HEATR5A: variants seen among roughly 807,000 people sequenced by gnomAD.
The protein encoded by HEATR5A is HEAT repeat-containing protein 5A.
A neutral mutation model predicts 218.8 loss-of-function variants in HEATR5A; 178 were observed. The ratio of observed to expected loss-of-function variants is 0.81; its 90% CI spans 0.72 to 0.92. The LOEUF (loss-of-function observed/expected upper bound fraction) is 0.92, where lower values mean the gene tolerates loss of function less well. Ranked by LOEUF, HEATR5A falls within the 40% of genes least tolerant of loss-of-function variation. HEATR5A has a pLI of 0.00. For missense variants in HEATR5A, 2,420 were observed against 2,418.9 expected, an observed-to-expected ratio of 1.00 and a Z score of -0.01; for synonymous variants, 864 against 871.6, an observed-to-expected ratio of 0.99 and a Z score of 0.15.
At chr14:31,396,498 T>A (rs977212134) in intron 4 of HEATR5A, among the ~76,000 whole-genome samples, 1 of 152,170 alleles carries the variant, frequency 6.6e-6, no homozygotes, top group Admixed American at 6.5e-5. Flanking sequence ...TTTTACTAAA[T>A]GCCTCAAATC....
In HEATR5A at chr14:31,344,003, C is replaced by T. The variant is rs1268083034; in HGVS notation, c.3121G>A (p.Asp1041Asn). The stretch of plus-strand genomic sequence containing the variant: ...GCTTGAACAAGGCAGTCTGGGTTAT[C>T]TTGCATTACTGCACAACCCAGTAGA... The part of the protein sequence containing the change: ...SCLLGCAVMQ[D>N]NPDCLVQAQA... Residue 1041 changes from aspartate (D) to asparagine (N), a missense_variant, in exon 21 of 36, where the codon GAT becomes AAT. By Grantham distance (23) the Asp-to-Asn change is conservative (BLOSUM62 1). Transcript: ENST00000543095. 2 of 1,610,514 alleles carry T rather than the reference C, an allele frequency of 1.2e-6. No individual in the cohort carries two copies. Among genetic ancestry groups the T allele is most frequent in the Non-Finnish European group, 1.7e-6 (2 of 1,178,270 alleles).
In HEATR5A at chr14:31,371,564, G is replaced by C. The variant is rs1902038075; in HGVS notation, c.1961+246C>G. The C allele has an allele frequency of 2.4e-5, 7 of 291,494 alleles. No homozygotes were observed. The South Asian group carries it at 8.4e-4, about 35-fold the overall frequency. The allele number at this position is 291,494 out of a possible 1,614,324, so 18.1% of individuals were successfully genotyped here. ...TAAAATGCATAGCTGAAAAGGTTAA[G>C]AGGCTTAATAGTTAATTTCTTGTTA... is the stretch of plus-strand genomic sequence containing the variant. On this transcript the variant is annotated intron_variant, in intron 13 of 35. Transcript: ENST00000543095.
chr14:31,394,159 A>G lies in HEATR5A; in HGVS notation c.665T>C (p.Leu222Pro). ...WSTDLDSVAT[L>P]CFKSFEGSNY... ...GGAACCTTCAAAGGACTTAAAACAC[A>G]GTGTGGCCACACTGTCCAGGTCCGT... is the stretch of plus-strand genomic sequence containing the variant. Residue 222 changes from leucine to proline, a missense_variant, in exon 6 of 36, where the codon CTG (leucine) becomes CCG (proline). Coordinates refer to ENST00000543095, the MANE Select transcript of HEATR5A (RefSeq NM_015473.4). 1 of 1,534,656 alleles carries G rather than the reference A, an allele frequency of 6.5e-7. No individual in the cohort carries two copies. Among genetic ancestry groups the G allele is most frequent in the Non-Finnish European group, 8.7e-7 (1 of 1,145,736 alleles).
At chr14:31,398,930 TTTAA>T (rs1436023921) in intron 3 of HEATR5A, 149 bp from the exon 4 acceptor site, 1 of 599,808 alleles carries the variant, frequency 1.7e-6, no homozygotes, top group African/African-American at 1.9e-5. Flanking sequence ...CACAAACATA[TTTAA>T]TTGTGATGAA....
At chr14:31,327,748 T>G (rs1230301098) in intron 22 of HEATR5A, among the ~76,000 whole-genome samples, 1 of 152,238 alleles carries the variant, frequency 6.6e-6, no homozygotes, top group East Asian at 1.9e-4. Flanking sequence ...TATTGTGGAC[T>G]ACTGAATAAA....
At chr14:31,309,426 T>C (rs1239928862) in intron 28 of HEATR5A, among the ~76,000 whole-genome samples, 1 of 152,216 alleles carries the variant, frequency 6.6e-6, no homozygotes, top group Non-Finnish European at 1.5e-5. Flanking sequence ...GACTAATATA[T>C]TGTTAACAAA....
chr14:31,420,129 T>C (rs984945428), intron 1 of HEATR5A: 4 of 152,382 alleles, frequency 2.6e-5, no homozygotes, highest in African/African-American at 4.8e-5. Flanking sequence ...CGGCTCCCGC[T>C]GGCGGGCAGA....
intron 28 of HEATR5A, 126 bp downstream of exon 28, chr14:31,312,842 G>A: frequency 5.2e-6 from 4 of 764,552 alleles, no homozygotes; most frequent in Middle Eastern, 3.4e-4. Context: ...AGGTTGCAGT[G>A]AGCCAAAATT....
chr14:31,382,578 T>C (rs2030038007), intron 10 of HEATR5A, among the ~76,000 whole-genome samples: 1 of 152,098 alleles, frequency 6.6e-6, no homozygotes, highest in African/African-American at 2.4e-5. Context: ...CTTGCCTATG[T>C]TGTATTATCT....
Position 31,342,645 on chromosome 14 carries a change from C to A in HEATR5A, c.3228+1251G>T, listed in dbSNP as rs894986441. On this transcript the variant is annotated intron_variant, in intron 21 of 35. Coordinates refer to ENST00000543095, the MANE Select transcript of HEATR5A (RefSeq NM_015473.4). ...GGAGGTGGCAGAGTTGAGATAAGAT[C>A]TATCCATAAAATCTACAAAGGTAGT... Among the ~76,000 whole-genome samples the A allele has an allele frequency of 2.8e-4, 43 of 152,268 alleles. 1 individual carries two copies. The highest frequency in any genetic ancestry group is 1.0e-3 in the African/African-American group (42 of 41,538).
At chr14:31,296,361 A>T in intron 33 of HEATR5A, 2 of 272,912 alleles carry the variant, frequency 7.3e-6, no homozygotes, top group Non-Finnish European at 1.4e-5. Context: ...CTCCATCTTC[A>T]GTATTCTCAT....
chr14:31,301,878 C>T (rs548726615), intron 33 of HEATR5A, among the ~76,000 whole-genome samples: 7 of 131,918 alleles, frequency 5.3e-5, no homozygotes, highest in Admixed American at 4.5e-4. Context: ...AGTGCAATGG[C>T]GTGATCTTGG....
intron 16 of HEATR5A, among the ~76,000 whole-genome samples, chr14:31,353,877 G>T (rs1280759535): frequency 6.6e-6 from 1 of 151,842 alleles, no homozygotes; most frequent in Non-Finnish European, 1.5e-5. Context: ...TCAACTCACT[G>T]CAAGCTCTGC....
intron 17 of HEATR5A, among the ~76,000 whole-genome samples, chr14:31,350,264 G>A (rs1370211908): frequency 2.0e-5 from 3 of 151,996 alleles, no homozygotes; most frequent in South Asian, 2.1e-4. Context: ...CAAAATAAGC[G>A]ACTAATGAAG....
chr14:31,340,558 C>T (rs992496256), intron 21 of HEATR5A: 2 of 841,746 alleles, frequency 2.4e-6, no homozygotes, highest in Admixed American at 5.1e-5. Context: ...GTCAGCTAAG[C>T]ATTAAAATAT....
At chr14:31,351,706 G>A (rs1332029359) in intron 16 of HEATR5A, among the ~76,000 whole-genome samples, 5 of 151,864 alleles carry the variant, frequency 3.3e-5, no homozygotes, top group African/African-American at 1.2e-4. Flanking sequence ...CGACCTCCTG[G>A]GCTTAAGTGA....
intron 12 of HEATR5A, among the ~76,000 whole-genome samples, chr14:31,373,867 G>A (rs1421734294): frequency 6.6e-6 from 1 of 152,058 alleles, no homozygotes; most frequent in Non-Finnish European, 1.5e-5. Context: ...TCAACATAAA[G>A]ATGATGAGGA....
intron 22 of HEATR5A, among the ~76,000 whole-genome samples, chr14:31,336,174 A>C (rs1420608186): frequency 7.0e-6 from 1 of 142,342 alleles, no homozygotes; most frequent in East Asian, 2.1e-4. Context: ...AGATGGGGTC[A>C]TGCCATATTG....
At chr14:31,387,581 A>G (rs2030281355) in intron 7 of HEATR5A, among the ~76,000 whole-genome samples, 1 of 144,152 alleles carries the variant, frequency 6.9e-6, no homozygotes, top group South Asian at 2.1e-4. Flanking sequence ...TTTTTTTGAG[A>G]CGGAGTCTCG....
Sources: gnomAD v4.1 joint callset for allele counts (sites outside exome capture counted in the v4.1 genomes callset) on GRCh38, gnomAD v4.1.1 for gene constraint, MANE v1.5 for transcripts, NCBI Gene and HGNC (gene_info 2026-07-23, HGNC 2026-07-21) for gene names.